Variants in DAGLB observed in about 807,000 individuals in gnomAD.
The protein encoded by DAGLB is diacylglycerol lipase-beta.
A neutral mutation model predicts 72.1 loss-of-function variants in DAGLB; 66 were observed. That is an observed-to-expected ratio of 0.92 (90% CI 0.75 to 1.12). The LOEUF is 1.12. Among genes scored for constraint, DAGLB ranks in the 50% most tolerant of loss-of-function variants. DAGLB has a pLI of 0.00. For synonymous variants in DAGLB, 414 were observed against 359.5 expected (o/e 1.15, Z -1.71); for missense variants, 1,065 against 884.9 (o/e 1.20, Z -2.58).
intron 6 of DAGLB, among the ~76,000 whole-genome samples, chr7:6,429,099 C>T (rs369909510): frequency 1.3e-5 from 2 of 152,100 alleles, no homozygotes; most frequent in African/African-American, 4.8e-5. Context: ...CCACCACGCC[C>T]GGCCTGGGAC....
chr7:6,435,899 C>A (rs1333010586), intron 3 of DAGLB, among the ~76,000 whole-genome samples: 1 of 152,124 alleles, frequency 6.6e-6, no homozygotes, highest in African/African-American at 2.4e-5. Flanking sequence ...GGGACTGGAT[C>A]ATCTCTAAGA....
At chr7:6,432,229 G>A (rs1482342805) in intron 5 of DAGLB, among the ~76,000 whole-genome samples, 1 of 152,140 alleles carries the variant, frequency 6.6e-6, no homozygotes, top group African/African-American at 2.4e-5. Context: ...GTATGCGCCT[G>A]TAATCCCAGC....
intron 2 of DAGLB, among the ~76,000 whole-genome samples, chr7:6,439,760 A>C (rs1784767796): frequency 1.3e-5 from 2 of 152,268 alleles, no homozygotes; most frequent in African/African-American, 4.8e-5. Context: ...CAAATTAAAA[A>C]TAGAAACTAG....
At position 6,414,364 on chromosome 7, in the gene DAGLB, G is replaced by C. The variant is rs549366447; in HGVS notation, c.1428-1330C>G. Among the ~76,000 whole-genome samples, 70 of 150,870 alleles carry C rather than the reference G, an allele frequency of 4.6e-4. 1 individual carries two copies. Among genetic ancestry groups the C allele is most frequent in the African/African-American group, 1.5e-3 (63 of 40,904 alleles). On this transcript the variant is annotated intron_variant, in intron 11 of 14. Coordinates refer to ENST00000297056, the MANE Select transcript of DAGLB (RefSeq NM_139179.4). Reference sequence around the variant, plus strand: ...GTGTAGCTCTGTCACCCAGACTGGAGTGCAGTGGCACGATCTCGGCTCACG... The same window carrying C: ...GTGTAGCTCTGTCACCCAGACTGGACTGCAGTGGCACGATCTCGGCTCACG...
chr7:6,446,839 T>C (rs868016383), intron 1 of DAGLB, among the ~76,000 whole-genome samples: 1 of 151,980 alleles, frequency 6.6e-6, no homozygotes, highest in Admixed American at 6.6e-5. Flanking sequence ...TGAGACTCCA[T>C]CTCTACAAAA....
At position 6,409,909 on chromosome 7, in the gene DAGLB, G is replaced by C. The variant is rs372411793; in HGVS notation, c.1947C>G (p.Asp649Glu). Residue 649 changes from aspartate to glutamate, a missense_variant, in exon 15 of 15, where the codon GAC (aspartate) becomes GAG (glutamate). Physicochemically the swap from Asp to Glu is conservative, Grantham distance 45 (BLOSUM62 2). Transcript: ENST00000297056. ...HMPDILMRAL[D>E]SVVSDRAACV... is the part of the protein sequence containing the mutation. Reference sequence around the variant, plus strand: ...AGGCCGCTCTGTCGGAGACCACGCTGTCCAAGGCCCGCATCAGGATGTCTG... The same window carrying C: ...AGGCCGCTCTGTCGGAGACCACGCTCTCCAAGGCCCGCATCAGGATGTCTG... The C allele has an allele frequency of 6.2e-7, 1 of 1,614,112 alleles. No homozygotes were observed. The highest frequency in any genetic ancestry group is 8.5e-7 in the Non-Finnish European group (1 of 1,180,034).
intron 2 of DAGLB, 60 bp downstream of exon 2, chr7:6,445,893 A>C (rs1188314476): frequency 7.4e-6 from 11 of 1,495,412 alleles, no homozygotes; most frequent in Non-Finnish European, 9.9e-6. Flanking sequence ...ATGGTATGTG[A>C]ATTATATCTC....
chr7:6,409,747 T>A lies in DAGLB; in HGVS notation c.*90A>T, dbSNP rs182599475. 7.1e-7 allele frequency: 1 copy of A among 1,416,296 alleles called. No individual in the cohort carries two copies. Among genetic ancestry groups the A allele is most frequent in the African/African-American group, 1.4e-5 (1 of 70,432 alleles). 87.7% of individuals were successfully genotyped at this position (1,416,296 alleles called of 1,614,324 possible). A position where few individuals can be genotyped will look rare whatever the true frequency, so the allele number is the denominator to read the frequency against. Reference sequence around the variant, plus strand: ...TTCCTGTTGATGGACATTCGCTGTTTTGGCGTCATGGGAACTCCTCGGATG... The same window carrying A: ...TTCCTGTTGATGGACATTCGCTGTTATGGCGTCATGGGAACTCCTCGGATG... On this transcript the variant is annotated 3_prime_UTR_variant, in exon 15 of 15. Coordinates refer to ENST00000297056, the MANE Select transcript of DAGLB (RefSeq NM_139179.4).
In DAGLB at chr7:6,409,559, A is replaced by C; in HGVS notation, c.*278T>G. ...GGAGCAGTCCTCAGACAGCCAAGGG[A>C]TCCATCCACGGGCCAGGGCTTCCCG... On this transcript the variant is annotated 3_prime_UTR_variant, in exon 15 of 15. Transcript: ENST00000297056. The C allele has an allele frequency of 2.0e-6, 1 of 496,514 alleles. No individual in the cohort carries two copies. Among genetic ancestry groups the C allele is most frequent in the South Asian group, 2.3e-5 (1 of 43,966 alleles). The allele number at this position is 496,514 out of a possible 1,614,324, so 30.8% of individuals were successfully genotyped here.
intron 2 of DAGLB, among the ~76,000 whole-genome samples, chr7:6,438,260 G>A (rs1384758770): frequency 1.3e-5 from 2 of 152,002 alleles, no homozygotes; most frequent in African/African-American, 4.8e-5. Context: ...TAAATGACGA[G>A]TAACGGGTGC....
Position 6,444,855 on chromosome 7 carries a change from G to A in DAGLB, c.247+1098C>T, listed in dbSNP as rs1268909608. 2.0e-5 allele frequency among the ~76,000 whole-genome samples: 3 copies of A among 152,272 alleles called. No homozygotes were observed. The East Asian group carries it at 5.8e-4, about 29-fold the overall frequency. ...CGGGAGGCAGAGGTTACAGTGAGCC[G>A]AGATTGCGCCATGGCACTCCAGCCT... On this transcript the variant is annotated intron_variant, in intron 2 of 14. Coordinates refer to ENST00000297056, the MANE Select transcript of DAGLB (RefSeq NM_139179.4).
chr7:6,410,084 C>CCG, intron 14 of DAGLB, 46 bp downstream of exon 14: 1 of 1,586,246 alleles, frequency 6.3e-7, no homozygotes, highest in African/African-American at 1.3e-5. Context: ...AGGGCTGACC[C>CCG]CGCGCTGCTC....
Position 6,410,242 on chromosome 7 carries a change from A to C in DAGLB, c.1708T>G (p.Ser570Ala), listed in dbSNP as rs771003964. ...LGEQSLLTRWSPAYSFSSDSP... is the reference protein window; with the variant it reads ...LGEQSLLTRWAPAYSFSSDSP... ...TCGCTGGAGAAGCTGTAGGCCGGGG[A>C]CCAGCGCGTCAGTAGGCTCTGCTCC... Residue 570 changes from serine (S) to alanine (A), a missense_variant, in exon 14 of 15, where the codon TCC becomes GCC. By Grantham distance (99) the Ser-to-Ala change is moderately conservative (BLOSUM62 1). Coordinates refer to ENST00000297056, the MANE Select transcript of DAGLB (RefSeq NM_139179.4). 2.5e-6 allele frequency: 4 copies of C among 1,612,708 alleles called. No homozygotes were observed. Among genetic ancestry groups the C allele is most frequent in the Middle Eastern group, 1.6e-4 (1 of 6,082 alleles).
At chr7:6,422,279 G>A (rs975813013) in intron 8 of DAGLB, 10 of 294,444 alleles carry the variant, frequency 3.4e-5, no homozygotes, top group African/African-American at 1.7e-4. Flanking sequence ...AGGAGGTGAC[G>A]CCACAGCCAG....
At chr7:6,410,404 G>T (rs753713925) in intron 13 of DAGLB, 24 bp from the exon 14 acceptor site, 12 of 1,580,208 alleles carry the variant, frequency 7.6e-6, no homozygotes, top group African/African-American at 1.4e-5. Context: ...CCAATCAGTA[G>T]AATGCTGTCA....
rs2115246714 is a variant in DAGLB at position 6,416,563 on chromosome 7, A to AG, written c.1427+63dup. The AG allele has an allele frequency of 3.3e-6, 5 of 1,521,520 alleles. No homozygotes were observed. In the East Asian group the frequency reaches 9.1e-5, roughly 28 times the overall value. 94.3% of individuals were successfully genotyped at this position (1,521,520 alleles called of 1,614,324 possible). Reference sequence around the variant, plus strand: ...ATCTCAGGAAAATAAAAGAAAAAAAAGATGAGTCTTGACCACATGACTTGT... The same window carrying AG: ...ATCTCAGGAAAATAAAAGAAAAAAAAGGATGAGTCTTGACCACATGACTTGT... On this transcript the variant is annotated intron_variant, in intron 11 of 14. Coordinates refer to ENST00000297056, the MANE Select transcript of DAGLB (RefSeq NM_139179.4).
chr7:6,427,110 A>C (rs142024651), intron 6 of DAGLB, among the ~76,000 whole-genome samples: 53 of 152,350 alleles, frequency 3.5e-4, no homozygotes, highest in African/African-American at 1.0e-3. Context: ...TCCGTCTCAA[A>C]AAATACAATT....
At chr7:6,446,659 G>A (rs1052277741) in intron 1 of DAGLB, among the ~76,000 whole-genome samples, 1 of 151,700 alleles carries the variant, frequency 6.6e-6, no homozygotes, top group African/African-American at 2.4e-5. Flanking sequence ...GCCTCCCAAA[G>A]TGCTGGGATT....
chr7:6,429,799 C>G (rs1784421368), intron 6 of DAGLB, among the ~76,000 whole-genome samples: 1 of 151,828 alleles, frequency 6.6e-6, no homozygotes. Context: ...AATCCCAGCA[C>G]TTTGGGAGGC....
Sources: gnomAD v4.1 joint callset for allele counts (sites outside exome capture counted in the v4.1 genomes callset) on GRCh38, gnomAD v4.1.1 for gene constraint, MANE v1.5 for transcripts, NCBI Gene and HGNC (gene_info 2026-07-23, HGNC 2026-07-21) for gene names.